Variants in PRKG1 observed in about 807,000 individuals in gnomAD.
The protein encoded by PRKG1 is cGMP-dependent protein kinase 1.
Under a neutral mutation model 88.1 loss-of-function variants are expected in PRKG1, and 35 were observed. The ratio of observed to expected loss-of-function variants is 0.40; its 90% CI spans 0.30 to 0.53. The LOEUF is 0.53. Among genes scored for constraint, PRKG1 ranks in the 20% least tolerant of loss-of-function variants. The pLI, the probability that PRKG1 is intolerant of heterozygous loss-of-function variation, is 0.59. For missense variants in PRKG1, 540 were observed against 839.8 expected (o/e 0.64, Z 4.41); for synonymous variants, 303 against 292.5 (o/e 1.04, Z -0.37).
At chr10:51,308,127 C>A (rs1251050665) in intron 2 of PRKG1, among the ~76,000 whole-genome samples, 1 of 152,180 alleles carries the variant, frequency 6.6e-6, no homozygotes, top group East Asian at 1.9e-4. Context: ...TTTGCTACAT[C>A]TCAGAACTTG....
chr10:52,017,007 AG>A (rs1236699750), intron 5 of PRKG1, among the ~76,000 whole-genome samples: 23 of 152,290 alleles, frequency 1.5e-4, no homozygotes, highest in Admixed American at 1.5e-3. Context: ...GTAGACAAAA[AG>A]ACATGTAAAT....
intron 5 of PRKG1, among the ~76,000 whole-genome samples, chr10:52,009,753 A>G (rs1475721059): frequency 6.6e-6 from 1 of 152,124 alleles, no homozygotes; most frequent in Non-Finnish European, 1.5e-5. Context: ...TGGAGGCATA[A>G]CATACTCAAC....
At chr10:51,964,267 G>A (rs545351740) in intron 5 of PRKG1, among the ~76,000 whole-genome samples, 11 of 152,272 alleles carry the variant, frequency 7.2e-5, no homozygotes, top group Admixed American at 3.3e-4. Context: ...CCTTTGCCAA[G>A]TAAAGTAACG....
chr10:52,087,847 AAAAGC>A (rs768998116), intron 7 of PRKG1, among the ~76,000 whole-genome samples: 5 of 152,172 alleles, frequency 3.3e-5, no homozygotes, highest in Non-Finnish European at 5.9e-5. Context: ...AAAATAGAGA[AAAAGC>A]AAAACTTATT....
intron 2 of PRKG1, among the ~76,000 whole-genome samples, chr10:51,302,378 C>T (rs1031601636): frequency 2.0e-5 from 3 of 152,026 alleles, no homozygotes; most frequent in Admixed American, 6.6e-5. Flanking sequence ...GAGTTATTTG[C>T]TCACTAGATT....
At chr10:51,465,966 G>A (rs866034895) in intron 2 of PRKG1, among the ~76,000 whole-genome samples, 33 of 152,158 alleles carry the variant, frequency 2.2e-4, no homozygotes, top group African/African-American at 7.7e-4. Context: ...CAATGAAATA[G>A]GTGCTTTTAT....
intron 3 of PRKG1, among the ~76,000 whole-genome samples, chr10:51,469,823 C>T (rs1430102996): frequency 1.3e-5 from 2 of 151,804 alleles, no homozygotes; most frequent in East Asian, 3.9e-4. Context: ...GTTGTGTTGA[C>T]AAAAGAGCCT....
At chr10:51,324,727 C>G (rs1002502966) in intron 2 of PRKG1, among the ~76,000 whole-genome samples, 3 of 151,918 alleles carry the variant, frequency 2.0e-5, no homozygotes, top group Non-Finnish European at 2.9e-5. Flanking sequence ...GGCGACTGAG[C>G]GAGACTCCGT....
At chr10:51,520,573 A>G (rs1228980672) in intron 3 of PRKG1, among the ~76,000 whole-genome samples, 2 of 152,146 alleles carry the variant, frequency 1.3e-5, no homozygotes, top group Non-Finnish European at 2.9e-5. Flanking sequence ...TTTTAGATGA[A>G]CAAATAATTG....
chr10:51,449,468 T>C (rs1025846950), intron 2 of PRKG1, among the ~76,000 whole-genome samples: 15 of 149,262 alleles, frequency 1.0e-4, no homozygotes, highest in African/African-American at 3.0e-4. Context: ...ATGACACTTT[T>C]CATGGACTTT....
At chr10:51,947,417 A>G (rs7088540) in intron 5 of PRKG1, among the ~76,000 whole-genome samples, 27,542 of 152,008 alleles carry the variant, frequency 0.18, 3,300 homozygotes, top group East Asian at 0.35. Context: ...TGCACTTCCC[A>G]AGTGAGGCAA....
chr10:51,547,005 A>T (rs1842457629), intron 3 of PRKG1, among the ~76,000 whole-genome samples: 1 of 151,492 alleles, frequency 6.6e-6, no homozygotes, highest in Non-Finnish European at 1.5e-5. Context: ...TGGGTGCAAG[A>T]CTTTGTGACC....
Position 52,080,950 on chromosome 10 carries a change from C to G in PRKG1, c.935+18319C>G, listed in dbSNP as rs145474549. Among the ~76,000 whole-genome samples the G allele has an allele frequency of 2.0e-3, 298 of 152,212 alleles. 2 individuals carry two copies. Among genetic ancestry groups the G allele is most frequent in the African/African-American group, 6.8e-3 (284 of 41,524 alleles). ...TAGAACAATTCTGCAGGGCTATTTA[C>G]TCTAAAACTCCTGATAGAATAGGCT... is the stretch of plus-strand genomic sequence containing the variant. On this transcript the variant is annotated intron_variant, in intron 7 of 17. Coordinates refer to ENST00000373980, the MANE Select transcript of PRKG1 (RefSeq NM_006258.4).
At chr10:51,566,927 T>TAA (rs796460673) in intron 3 of PRKG1, among the ~76,000 whole-genome samples, 2 of 135,814 alleles carry the variant, frequency 1.5e-5, no homozygotes, top group Non-Finnish European at 3.1e-5. Context: ...TACACACACA[T>TAA]AAAAAAAAAA....
At chr10:52,148,064 T>C (rs1205419516) in intron 8 of PRKG1, among the ~76,000 whole-genome samples, 1 of 152,154 alleles carries the variant, frequency 6.6e-6, no homozygotes, top group Non-Finnish European at 1.5e-5. Flanking sequence ...CTTAAATCAG[T>C]GTACTATGTA....
intron 7 of PRKG1, among the ~76,000 whole-genome samples, chr10:52,093,140 T>C (rs980121796): frequency 2.0e-5 from 3 of 152,186 alleles, no homozygotes; most frequent in African/African-American, 7.2e-5. Context: ...GGCACTTGTT[T>C]AACTTTCATT....
chr10:51,909,418 A>T (rs1842165448), intron 5 of PRKG1: 1 of 152,192 alleles, frequency 6.6e-6, no homozygotes, highest in Non-Finnish European at 1.5e-5. Context: ...AATCGATCTT[A>T]AAAACATCAT....
At chr10:51,193,821 C>A (rs1837692333) in intron 2 of PRKG1, among the ~76,000 whole-genome samples, 1 of 152,096 alleles carries the variant, frequency 6.6e-6, no homozygotes, top group Non-Finnish European at 1.5e-5. Context: ...CTTTTCTCAG[C>A]CCCTAATTCA....
intron 5 of PRKG1, among the ~76,000 whole-genome samples, chr10:52,051,020 A>T (rs966555427): frequency 3.0e-4 from 45 of 152,160 alleles, no homozygotes; most frequent in African/African-American, 1.1e-3. Flanking sequence ...TCTGTTAAAC[A>T]TCCTGCAGCA....
Sources: allele counts gnomAD v4.1 joint callset (sites outside exome capture counted in the v4.1 genomes callset), GRCh38; gene constraint gnomAD v4.1.1; transcripts MANE v1.5; gene names NCBI Gene and HGNC (gene_info 2026-07-23, HGNC 2026-07-21).